The following NFIA variants were observed in gnomAD, a reference collection of about 807,000 sequenced individuals.
The protein encoded by NFIA is nuclear factor I A.
In NFIA, 8 loss-of-function variants were observed where a neutral mutation model predicts 62.8. That is an observed-to-expected ratio of 0.13 (90% confidence interval 0.07 to 0.23). NFIA has a LOEUF of 0.23. Among genes scored for constraint, NFIA ranks in the 10% least tolerant of loss-of-function variants. NFIA has a pLI of 1.00. For missense variants in NFIA, 410 were observed against 642.1 expected (o/e 0.64, Z 3.91); for synonymous variants, 235 against 238.1 (o/e 0.99, Z 0.12).
chr1:61,273,487 G>A (rs762080514), intron 2 of NFIA, among the ~76,000 whole-genome samples: 10 of 152,112 alleles, frequency 6.6e-5, no homozygotes, highest in South Asian at 2.1e-4. Flanking sequence ...GACTTTTTGC[G>A]CTCCTTTCTC....
intron 2 of NFIA, among the ~76,000 whole-genome samples, chr1:61,122,182 G>A (rs1414051790): frequency 3.9e-5 from 6 of 152,068 alleles, no homozygotes; most frequent in African/African-American, 7.2e-5. Flanking sequence ...TTAATACCAC[G>A]AATGGGAACA....
chr1:61,194,557 CTT>C, intron 2 of NFIA, among the ~76,000 whole-genome samples: 1 of 152,168 alleles, frequency 6.6e-6, no homozygotes, highest in Non-Finnish European at 1.5e-5. Flanking sequence ...TCCATGCAAA[CTT>C]AATTAATTTT....
intron 2 of NFIA, among the ~76,000 whole-genome samples, chr1:61,121,081 G>A (rs1299933704): frequency 2.0e-5 from 3 of 152,154 alleles, no homozygotes; most frequent in African/African-American, 4.8e-5. Flanking sequence ...TTAAAGCATT[G>A]CATTGTCTGT....
At chr1:61,431,834 C>T (rs922158041) in intron 10 of NFIA, among the ~76,000 whole-genome samples, 2 of 152,220 alleles carry the variant, frequency 1.3e-5, no homozygotes, top group African/African-American at 4.8e-5. Flanking sequence ...TTCCGTGTGT[C>T]ATATTCCTGA....
chr1:61,205,582 G>A (rs1232341146), intron 2 of NFIA, among the ~76,000 whole-genome samples: 1 of 152,178 alleles, frequency 6.6e-6, no homozygotes, highest in Non-Finnish European at 1.5e-5. Context: ...CCTTGGCGAT[G>A]ATCTTGAGCA....
At chr1:61,082,308 G>A (rs1198447385), upstream of NFIA, 1 of 267,714 alleles carries the variant, frequency 3.7e-6, no homozygotes, top group Admixed American at 6.1e-5. Flanking sequence ...GAGCGCGAGC[G>A]GCCGCGGAGG....
intron 2 of NFIA, among the ~76,000 whole-genome samples, chr1:61,207,885 T>C (rs1557637361): frequency 6.6e-6 from 1 of 152,122 alleles, no homozygotes; most frequent in Admixed American, 6.6e-5. Context: ...TGTGCACATT[T>C]GTGTAGGGGT....
At chr1:61,095,072 G>A (rs1646387242) in intron 2 of NFIA, among the ~76,000 whole-genome samples, 1 of 152,130 alleles carries the variant, frequency 6.6e-6, no homozygotes, top group East Asian at 1.9e-4. Flanking sequence ...GAAATGATGA[G>A]GATAATTATG....
At chr1:61,359,489 A>G (rs966550306) in intron 6 of NFIA, among the ~76,000 whole-genome samples, 10 of 152,156 alleles carry the variant, frequency 6.6e-5, no homozygotes, top group Non-Finnish European at 1.5e-4. Flanking sequence ...GACTGGTGAG[A>G]TGGTGTATGA....
intron 7 of NFIA, 112 bp downstream of exon 7, chr1:61,383,477 GT>G: frequency 7.5e-7 from 1 of 1,330,504 alleles, no homozygotes; most frequent in Non-Finnish European, 1.0e-6. Context: ...GGCAGTGAGT[GT>G]TCCAATTTCT....
At chr1:61,198,232 C>T (rs1652172891) in intron 2 of NFIA, among the ~76,000 whole-genome samples, 1 of 152,180 alleles carries the variant, frequency 6.6e-6, no homozygotes, top group Non-Finnish European at 1.5e-5. Context: ...GAAAACTTGA[C>T]CTTCACGGTT....
chr1:61,397,604 G>A (rs1389265649), intron 7 of NFIA, among the ~76,000 whole-genome samples: 4 of 152,128 alleles, frequency 2.6e-5, no homozygotes, highest in African/African-American at 9.7e-5. Context: ...CAGAAACTGT[G>A]CCGTGTGCCT....
intron 4 of NFIA, among the ~76,000 whole-genome samples, chr1:61,349,309 A>G (rs1350477815): frequency 6.6e-6 from 1 of 152,264 alleles, no homozygotes; most frequent in South Asian, 2.1e-4. Context: ...TGTGAATTTC[A>G]GTCTTCCATT....
At chr1:61,423,139 G>C (rs1245454683) in intron 9 of NFIA, among the ~76,000 whole-genome samples, 1 of 151,848 alleles carries the variant, frequency 6.6e-6, no homozygotes, top group Admixed American at 6.6e-5. Flanking sequence ...AATATGGTCA[G>C]ATTAGTGCAA....
At chr1:61,355,666 G>A (rs568795974) in intron 5 of NFIA, among the ~76,000 whole-genome samples, 11 of 151,896 alleles carry the variant, frequency 7.2e-5, no homozygotes, top group African/African-American at 2.4e-4. Context: ...CTGCAACCTC[G>A]AAGTCCCGAG....
intron 2 of NFIA, among the ~76,000 whole-genome samples, chr1:61,259,201 G>C (rs1373379208): frequency 6.6e-6 from 1 of 152,156 alleles, no homozygotes. Context: ...GAAGAAATTT[G>C]CTCCCTAATG....
chr1:61,309,659 G>A (rs562561502), intron 3 of NFIA, among the ~76,000 whole-genome samples: 1 of 152,330 alleles, frequency 6.6e-6, no homozygotes, highest in African/African-American at 2.4e-5. Context: ...GGGAGGCCAG[G>A]GTGGGTGGAT....
chr1:61,081,694 T>C (rs1041620589), upstream of NFIA: 10 of 577,258 alleles, frequency 1.7e-5, no homozygotes, highest in Non-Finnish European at 2.7e-5. Flanking sequence ...CCTTCTTTTC[T>C]CCAGACCCCC....
chr1:61,186,476 G>A (rs1651189306), intron 2 of NFIA, among the ~76,000 whole-genome samples: 1 of 152,076 alleles, frequency 6.6e-6, no homozygotes, highest in South Asian at 2.1e-4. Flanking sequence ...GATGAGAAAC[G>A]CTTCTGTCCA....
Sources: gnomAD v4.1 joint callset for allele counts (sites outside exome capture counted in the v4.1 genomes callset) on GRCh38, gnomAD v4.1.1 for gene constraint, MANE v1.5 for transcripts, NCBI Gene and HGNC (gene_info 2026-07-23, HGNC 2026-07-21) for gene names.